The following ETV6 variants were observed in gnomAD, a reference collection of about 807,000 sequenced individuals.
ETV6 encodes ETS variant transcription factor 6.
ETV6 carries 16 observed loss-of-function variants against 51.1 expected under a neutral mutation model. The observed-to-expected ratio is 0.31, with a 90% CI of 0.21 to 0.48. The LOEUF is 0.48. Among genes scored for constraint, ETV6 ranks in the 20% least tolerant of loss-of-function variants. The pLI, the probability that ETV6 is intolerant of heterozygous loss-of-function variation, is 0.99. For synonymous variants in ETV6, 240 were observed against 224.1 expected (o/e 1.07, Z -0.64); for missense variants, 458 against 594.8 (o/e 0.77, Z 2.39).
intron 5 of ETV6, among the ~76,000 whole-genome samples, chr12:11,870,770 C>G (rs1427247996): frequency 6.6e-6 from 1 of 152,074 alleles, no homozygotes; most frequent in Non-Finnish European, 1.5e-5. Flanking sequence ...TATCTTTTTC[C>G]CCAAGGAATT....
At chr12:11,663,858 C>T (rs906524447) in intron 1 of ETV6, among the ~76,000 whole-genome samples, 6 of 152,164 alleles carry the variant, frequency 3.9e-5, no homozygotes, top group African/African-American at 1.4e-4. Flanking sequence ...TTAGTGTCTA[C>T]ATTCCAAACT....
chr12:11,779,335 A>T (rs1945378638), intron 2 of ETV6, among the ~76,000 whole-genome samples: 1 of 152,204 alleles, frequency 6.6e-6, no homozygotes. Flanking sequence ...AGAACTCAGT[A>T]CTGAATTTGT....
intron 3 of ETV6, chr12:11,840,928 ATAT>A (rs1181633371): frequency 1.1e-4 from 18 of 166,650 alleles, no homozygotes; most frequent in African/African-American, 3.4e-4. Context: ...AAACTCAGAG[ATAT>A]TATACTCAAA....
At chr12:11,732,179 G>A (rs770976934) in intron 1 of ETV6, among the ~76,000 whole-genome samples, 16 of 152,308 alleles carry the variant, frequency 1.1e-4, no homozygotes, top group South Asian at 4.1e-4. Context: ...GCACACAGTC[G>A]CAGAACTAGT....
At chr12:11,815,300 G>C (rs1414068119) in intron 2 of ETV6, among the ~76,000 whole-genome samples, 4 of 152,216 alleles carry the variant, frequency 2.6e-5, no homozygotes, top group African/African-American at 9.6e-5. Context: ...AGGGGGCAAA[G>C]CCAGGACTAA....
chr12:11,690,865 C>T (rs537595431), intron 1 of ETV6, among the ~76,000 whole-genome samples: 8 of 100,192 alleles, frequency 8.0e-5, no homozygotes, highest in Non-Finnish European at 1.3e-4. Flanking sequence ...CCAGCCTGGG[C>T]GACAGAGTGA....
chr12:11,852,828 T>C (rs1946577560), intron 3 of ETV6, among the ~76,000 whole-genome samples: 1 of 152,238 alleles, frequency 6.6e-6, no homozygotes, highest in South Asian at 2.1e-4. Flanking sequence ...ACAGGGCTTC[T>C]GTATCTTAGT....
At position 11,695,240 on chromosome 12, in the gene ETV6, A is replaced by C. The variant is rs146934975; in HGVS notation, c.33+45080A>C. Among the ~76,000 whole-genome samples the C allele has an allele frequency of 2.5e-3, 384 of 152,334 alleles. 1 individual carries two copies. The highest frequency in any genetic ancestry group is 8.7e-3 in the African/African-American group (362 of 41,572). ...AATAGAGATTTCTCCACCTCACGTA[A>C]TTAGGATTTGAGAGTTAAATAAGAA... is the stretch of plus-strand genomic sequence containing the variant. On this transcript the variant is annotated intron_variant, in intron 1 of 7. Coordinates refer to ENST00000396373, the MANE Select transcript of ETV6 (RefSeq NM_001987.5).
chr12:11,779,272 G>C (rs1051709108), intron 2 of ETV6, among the ~76,000 whole-genome samples: 2 of 152,142 alleles, frequency 1.3e-5, no homozygotes, highest in African/African-American at 2.4e-5. Context: ...GGTTCTTAGA[G>C]GATCACTGCA....
intron 1 of ETV6, among the ~76,000 whole-genome samples, chr12:11,750,585 A>G (rs1685458316): frequency 6.6e-6 from 1 of 152,214 alleles, no homozygotes; most frequent in South Asian, 2.1e-4. Context: ...CACTTCTGCA[A>G]AAACCCTAAC....
rs998852994 is a variant in ETV6 at position 11,895,338 on chromosome 12, A to G, written c.*4292A>G. ...CTTTTCTCAGGGCCAGTGAGTTGCA[A>G]ATAATTTTTAAAGAAAAGCCTATAA... On this transcript the variant is annotated 3_prime_UTR_variant, in exon 8 of 8. Transcript: ENST00000396373. The G allele has an allele frequency of 2.2e-5, 5 of 231,758 alleles. No individual in the cohort carries two copies. The highest frequency in any genetic ancestry group is 4.3e-5 in the Non-Finnish European group (5 of 117,032). 14.4% of individuals were successfully genotyped at this position (231,758 alleles called of 1,614,324 possible).
In ETV6 at chr12:11,688,761, C is replaced by A. The variant is rs74832831; in HGVS notation, c.33+38601C>A. ...TAAGATAACCATAGCCTTAGCTGCT[C>A]CTTGAGGTCTGGCTCTGGGTCCCAG... On this transcript the variant is annotated intron_variant, in intron 1 of 7. Transcript: ENST00000396373. 3.3e-4 allele frequency among the ~76,000 whole-genome samples: 51 copies of A among 152,290 alleles called. 1 individual carries two copies. The highest frequency in any genetic ancestry group is 5.1e-4 in the Non-Finnish European group (35 of 68,012).
chr12:11,759,572 A>T (rs1945053165), intron 2 of ETV6, among the ~76,000 whole-genome samples: 1 of 152,236 alleles, frequency 6.6e-6, no homozygotes, highest in Non-Finnish European at 1.5e-5. Flanking sequence ...AGCAACAGGA[A>T]ATCAGAAACT....
intron 1 of ETV6, among the ~76,000 whole-genome samples, chr12:11,749,591 G>C (rs1220087561): frequency 2.0e-5 from 3 of 152,212 alleles, no homozygotes; most frequent in African/African-American, 7.2e-5. Flanking sequence ...TCCAATTGCT[G>C]ATAGTCTGCT....
chr12:11,854,408 C>T (rs1019214495), intron 4 of ETV6, among the ~76,000 whole-genome samples: 1 of 152,042 alleles, frequency 6.6e-6, no homozygotes, highest in African/African-American at 2.4e-5. Context: ...TTGGGGACCC[C>T]GCCTTAGAAA....
chr12:11,852,441 C>A (rs923864077), intron 3 of ETV6, among the ~76,000 whole-genome samples: 3 of 152,148 alleles, frequency 2.0e-5, no homozygotes, highest in African/African-American at 7.2e-5. Flanking sequence ...GTTACCACCT[C>A]TAACCGGACT....
intron 1 of ETV6, among the ~76,000 whole-genome samples, chr12:11,659,855 C>T (rs1864067281): frequency 2.0e-5 from 3 of 152,146 alleles, no homozygotes; most frequent in African/African-American, 7.2e-5. Flanking sequence ...AGGGAGGGCC[C>T]AGAGCTGCCC....
chr12:11,714,025 G>T (rs143618626), intron 1 of ETV6, among the ~76,000 whole-genome samples: 1 of 152,282 alleles, frequency 6.6e-6, no homozygotes, highest in Non-Finnish European at 1.5e-5. Context: ...CTTCTCTTTG[G>T]CAGGACCCAC....
intron 2 of ETV6, among the ~76,000 whole-genome samples, chr12:11,774,310 A>C (rs116777513): frequency 0.016 from 2,479 of 152,294 alleles, 69 homozygotes; most frequent in African/African-American, 0.057. Context: ...CAACAGCCCC[A>C]CCACCTAGGG....
Sources: allele counts gnomAD v4.1 joint callset (sites outside exome capture counted in the v4.1 genomes callset), GRCh38; gene constraint gnomAD v4.1.1; transcripts MANE v1.5; gene names NCBI Gene and HGNC (gene_info 2026-07-23, HGNC 2026-07-21).